The following ELOVL6 variants were observed in gnomAD, a reference collection of about 807,000 sequenced individuals.
The protein encoded by ELOVL6 is very long chain fatty acid elongase 6.
A neutral mutation model predicts 31.7 loss-of-function variants in ELOVL6; 8 were observed. The ratio of observed to expected loss-of-function variants is 0.25; its 90% CI spans 0.15 to 0.45. The LOEUF (loss-of-function observed/expected upper bound fraction) is 0.45. Among genes scored for constraint, ELOVL6 ranks in the 20% least tolerant of loss-of-function variants. ELOVL6 has a pLI of 1.00. For synonymous variants in ELOVL6, 101 were observed against 117.7 expected (o/e 0.86, Z 0.92); for missense variants, 126 against 326.4 (o/e 0.39, Z 4.73).
intron 1 of ELOVL6, among the ~76,000 whole-genome samples, chr4:110,111,282 A>T (rs1251458675): frequency 6.6e-6 from 1 of 152,176 alleles, no homozygotes; most frequent in African/African-American, 2.4e-5. Flanking sequence ...GTTAAAACGA[A>T]AAAACTGCAC....
chr4:110,084,171 ATATGATATATATAACAT>A lies in ELOVL6; in HGVS notation c.221+21309_221+21325del, dbSNP rs1229051680. ...GATATATATAACATATATGTGATAT[ATATGATATATATAACAT>A]ATAACTTATATGATATATATAACAT... is the stretch of plus-strand genomic sequence containing the variant. On this transcript the variant is annotated intron_variant, in intron 2 of 3. Transcript: ENST00000302274. Among the ~76,000 whole-genome samples, 2 of 112,818 alleles carry A rather than the reference ATATGATATATATAACAT, an allele frequency of 1.8e-5. 1 individual carries two copies. Among genetic ancestry groups the A allele is most frequent in the African/African-American group, 6.5e-5 (2 of 30,968 alleles). The allele number at this position is 112,818 out of a possible 152,430, so 74.0% of individuals were successfully genotyped here. A position where few individuals can be genotyped will look rare whatever the true frequency, so the allele number is the denominator to read the frequency against.
intron 1 of ELOVL6, among the ~76,000 whole-genome samples, chr4:110,191,367 T>C (rs1359555288): frequency 6.6e-6 from 1 of 152,132 alleles, no homozygotes; most frequent in Non-Finnish European, 1.5e-5. Flanking sequence ...AGAAATGACA[T>C]ATGTGGTACA....
In ELOVL6 at chr4:110,082,549, A is replaced by T. The variant is rs533279473; in HGVS notation, c.222-22795T>A. On this transcript the variant is annotated intron_variant, in intron 2 of 3. Coordinates refer to ENST00000302274, the MANE Select transcript of ELOVL6 (RefSeq NM_024090.3). ...CATAGGTGGGAATTGAACAATGAGA[A>T]CACATGGACACAGGAAGGGGAACAT... 3.2e-3 allele frequency among the ~76,000 whole-genome samples: 482 copies of T among 152,084 alleles called. 2 individuals are homozygous for T. The highest frequency in any genetic ancestry group is 0.011 in the African/African-American group (470 of 41,410).
chr4:110,142,893 G>A (rs896249254), intron 1 of ELOVL6, among the ~76,000 whole-genome samples: 5 of 152,094 alleles, frequency 3.3e-5, no homozygotes, highest in Non-Finnish European at 5.9e-5. Context: ...TTATGCCAGT[G>A]CTAAATCTTC....
At chr4:110,084,369 G>GATATATATCGCATATATGATATATATCGC (rs1344985460) in intron 2 of ELOVL6, among the ~76,000 whole-genome samples, 1 of 34,714 alleles carries the variant, frequency 2.9e-5, no homozygotes, top group African/African-American at 1.4e-4. Context: ...CCGCATATAT[G>GATATATATCGCATATATGATATATATCGC]ATATATGATA....
intron 1 of ELOVL6, among the ~76,000 whole-genome samples, chr4:110,179,449 T>C (rs1347827342): frequency 6.6e-6 from 1 of 152,120 alleles, no homozygotes; most frequent in African/African-American, 2.4e-5. Context: ...GAGGTTGCAG[T>C]GAGCCGAAAT....
At chr4:110,186,091 G>A (rs1759429651) in intron 1 of ELOVL6, among the ~76,000 whole-genome samples, 1 of 152,094 alleles carries the variant, frequency 6.6e-6, no homozygotes, top group Non-Finnish European at 1.5e-5. Flanking sequence ...TCAGGAGGCT[G>A]AGGCAGAAGA....
intron 1 of ELOVL6, among the ~76,000 whole-genome samples, chr4:110,186,254 A>C (rs1759435897): frequency 6.6e-6 from 1 of 152,102 alleles, no homozygotes; most frequent in Non-Finnish European, 1.5e-5. Context: ...CTTAACAAGT[A>C]GGTGACTATT....
At chr4:110,093,514 A>C (rs180788141) in intron 2 of ELOVL6, among the ~76,000 whole-genome samples, 41 of 152,336 alleles carry the variant, frequency 2.7e-4, no homozygotes, top group African/African-American at 9.9e-4. Context: ...GTTCTTTGTC[A>C]TATTTGCATA....
At chr4:110,150,329 C>G (rs180819051) in intron 1 of ELOVL6, among the ~76,000 whole-genome samples, 2 of 152,332 alleles carry the variant, frequency 1.3e-5, no homozygotes, top group Admixed American at 6.5e-5. Flanking sequence ...CTTAAACAGA[C>G]AGGCGACAAG....
intron 1 of ELOVL6, among the ~76,000 whole-genome samples, chr4:110,176,190 T>C (rs890187015): frequency 6.6e-6 from 1 of 151,778 alleles, no homozygotes; most frequent in African/African-American, 2.4e-5. Flanking sequence ...TGAGATGGAG[T>C]CTCACTCTGT....
intron 1 of ELOVL6, among the ~76,000 whole-genome samples, chr4:110,107,596 T>G (rs1756922970): frequency 6.6e-6 from 1 of 152,216 alleles, no homozygotes; most frequent in African/African-American, 2.4e-5. Flanking sequence ...AGGAAGAAAG[T>G]ACTTTTGGCC....
intron 1 of ELOVL6, 126 bp from the exon 2 acceptor site, chr4:110,105,754 A>C: frequency 2.4e-6 from 2 of 840,336 alleles, no homozygotes; most frequent in Non-Finnish European, 3.6e-6. Flanking sequence ...TTCACTGAAG[A>C]GGGAGTCTAG....
At chr4:110,140,458 T>A (rs557259280) in intron 1 of ELOVL6, among the ~76,000 whole-genome samples, 1 of 152,188 alleles carries the variant, frequency 6.6e-6, no homozygotes, top group East Asian at 1.9e-4. Context: ...AGATGGGGTC[T>A]TACTCTGTCG....
At chr4:110,103,771 AT>A (rs1280605798) in intron 2 of ELOVL6, among the ~76,000 whole-genome samples, 3 of 136,818 alleles carry the variant, frequency 2.2e-5, no homozygotes, top group East Asian at 6.9e-4. Context: ...GCCAAAAGAT[AT>A]CAGTTAATGG....
At position 110,133,883 on chromosome 4, in the gene ELOVL6, T is replaced by A. The variant is rs75775565; in HGVS notation, c.90-28255A>T. Among the ~76,000 whole-genome samples, 554 of 152,308 alleles carry A rather than the reference T, an allele frequency of 3.6e-3. 11 individuals carry two copies. In the East Asian group the frequency reaches 0.059, roughly 16 times the overall value. ...AAAGCTTCTCTAAAAATGTAACATC[T>A]AAACATCCAAAATGACAATTACCAG... is the stretch of plus-strand genomic sequence containing the variant. On this transcript the variant is annotated intron_variant, in intron 1 of 3. Transcript: ENST00000302274.
At chr4:110,111,960 A>C (rs1474219455) in intron 1 of ELOVL6, among the ~76,000 whole-genome samples, 3 of 152,248 alleles carry the variant, frequency 2.0e-5, no homozygotes, top group African/African-American at 7.2e-5. Flanking sequence ...TACTAATTAA[A>C]GTACAGGACT....
chr4:110,140,721 A>G (rs893398806), intron 1 of ELOVL6, among the ~76,000 whole-genome samples: 3 of 151,572 alleles, frequency 2.0e-5, no homozygotes, highest in Non-Finnish European at 4.4e-5. Context: ...AGTGACTTCA[A>G]TGACTATTTG....
At chr4:110,149,254 T>G (rs1439446519) in intron 1 of ELOVL6, among the ~76,000 whole-genome samples, 1 of 152,216 alleles carries the variant, frequency 6.6e-6, no homozygotes, top group East Asian at 1.9e-4. Context: ...ACGACTAACC[T>G]TTGATCCAGC....
Sources: gnomAD v4.1 joint callset for allele counts (sites outside exome capture counted in the v4.1 genomes callset) on GRCh38, gnomAD v4.1.1 for gene constraint, MANE v1.5 for transcripts, NCBI Gene and HGNC (gene_info 2026-07-23, HGNC 2026-07-21) for gene names.